Variants in KIAA1217 observed in about 807,000 individuals in gnomAD.
KIAA1217 encodes the protein KIAA1217.
Under a neutral mutation model 163.9 loss-of-function variants are expected in KIAA1217, and 88 were observed. That is an observed-to-expected ratio of 0.54 (90% CI 0.45 to 0.64). The LOEUF (loss-of-function observed/expected upper bound fraction) is 0.64, where lower values mean the gene tolerates loss of function less well. KIAA1217 is among the 30% of genes least tolerant of loss of function. The pLI is 0.00. For missense variants in KIAA1217, 2,372 were observed against 2,475.0 expected, an observed-to-expected ratio of 0.96 and a Z score of 0.88; for synonymous variants, 903 against 923.1, an observed-to-expected ratio of 0.98 and a Z score of 0.39.
At chr10:23,961,574 A>G (rs1219862766) in intron 1 of KIAA1217, among the ~76,000 whole-genome samples, 1 of 152,178 alleles carries the variant, frequency 6.6e-6, no homozygotes. Flanking sequence ...GTGTTCTTAT[A>G]CTTATAAACT....
intron 1 of KIAA1217, among the ~76,000 whole-genome samples, chr10:23,925,657 T>C (rs1842992647): frequency 6.6e-6 from 1 of 152,192 alleles, no homozygotes; most frequent in Non-Finnish European, 1.5e-5. Flanking sequence ...CTTCAGGACT[T>C]GCCATCTCAG....
chr10:23,979,250 G>A (rs1435868707), intron 1 of KIAA1217, among the ~76,000 whole-genome samples: 1 of 152,206 alleles, frequency 6.6e-6, no homozygotes, highest in Non-Finnish European at 1.5e-5. Context: ...AACCATAAAA[G>A]TCACGTTGCA....
intron 1 of KIAA1217, among the ~76,000 whole-genome samples, chr10:24,214,476 G>A (rs1589960015): frequency 6.6e-6 from 1 of 152,146 alleles, no homozygotes; most frequent in South Asian, 2.1e-4. Context: ...AGAGAACGTG[G>A]AAGGTTATTT....
In KIAA1217 at chr10:24,380,962, G is replaced by A. The variant is rs757517187; in HGVS notation, c.448G>A (p.Ala150Thr). The A allele has an allele frequency of 4.4e-6, 7 of 1,609,066 alleles. No individual in the cohort carries two copies. The Admixed American group carries it at 1.0e-4, about 23-fold the overall frequency. The change falls in exon 3 of 21, where the codon GCC becomes ACC. Residue 150 changes from alanine to threonine, a missense_variant. Coordinates refer to ENST00000376454, the MANE Select transcript of KIAA1217 (RefSeq NM_019590.5). ...LSETSADSLEAMSEGDAPTPF... is the reference protein window; with the variant it reads ...LSETSADSLETMSEGDAPTPF... Reference sequence around the variant, plus strand: ...AGAGACGTCCGCTGATTCTTTGGAAGCCATGTCTGAGGGGGATGCTCCAAC... The same window carrying A: ...AGAGACGTCCGCTGATTCTTTGGAAACCATGTCTGAGGGGGATGCTCCAAC...
At chr10:23,883,578 T>C (rs1589010317) in intron 1 of KIAA1217, among the ~76,000 whole-genome samples, 1 of 151,840 alleles carries the variant, frequency 6.6e-6, no homozygotes, top group Non-Finnish European at 1.5e-5. Context: ...TTAGCAACGT[T>C]CTCCACCAAA....
intron 2 of KIAA1217, among the ~76,000 whole-genome samples, chr10:24,311,144 C>T (rs911190762): frequency 6.6e-5 from 10 of 152,130 alleles, no homozygotes; most frequent in South Asian, 2.1e-4. Context: ...GACCCCAGGC[C>T]GTAGGAGGTG....
At chr10:24,130,897 C>T (rs929940532) in intron 2 of KIAA1217, among the ~76,000 whole-genome samples, 1 of 152,148 alleles carries the variant, frequency 6.6e-6, no homozygotes, top group Non-Finnish European at 1.5e-5. Context: ...AAACTGACGC[C>T]TTTTAATCTA....
chr10:24,191,814 C>T (rs575389978), intron 2 of KIAA1217, among the ~76,000 whole-genome samples: 3 of 152,262 alleles, frequency 2.0e-5, no homozygotes, highest in South Asian at 2.1e-4. Flanking sequence ...AGTGCAATGG[C>T]GCAACCTCAA....
intron 2 of KIAA1217, among the ~76,000 whole-genome samples, chr10:24,341,031 G>A (rs1235057610): frequency 2.6e-5 from 4 of 151,028 alleles, no homozygotes; most frequent in African/African-American, 7.4e-5. Context: ...TGATTGCTTT[G>A]CTTTCCTTCC....
chr10:23,815,374 G>T lies in KIAA1217; in HGVS notation c.-321+120140G>T, dbSNP rs1837266276. Among the ~76,000 whole-genome samples, 4 of 152,188 alleles carry T rather than the reference G, an allele frequency of 2.6e-5. No homozygotes were observed. In the South Asian group the frequency reaches 8.3e-4, roughly 31 times the overall value. On this transcript the variant is annotated intron_variant, in intron 1 of 18. Transcript: ENST00000376462. ...AATTTAATAATTTAGGCTGGGCGCG[G>T]TGGCTCACGCCTGTAATCCCAGCAC...
chr10:23,858,196 T>C (rs1379690879), intron 1 of KIAA1217, among the ~76,000 whole-genome samples: 1 of 152,094 alleles, frequency 6.6e-6, no homozygotes. Flanking sequence ...TCCTGCCAGG[T>C]CTCAGTTTCT....
intron 4 of KIAA1217, among the ~76,000 whole-genome samples, chr10:24,436,109 C>T (rs112505631): frequency 5.9e-5 from 9 of 152,144 alleles, no homozygotes; most frequent in Admixed American, 5.9e-4. Context: ...GATCTGCCCA[C>T]CTCGGCCTCC....
chr10:23,841,866 ATTTTAT>A (rs1838803744), intron 1 of KIAA1217, among the ~76,000 whole-genome samples: 1 of 149,764 alleles, frequency 6.7e-6, no homozygotes, highest in Non-Finnish European at 1.5e-5. Context: ...ATTTTATTTT[ATTTTAT>A]TTTATTTTAT....
chr10:23,842,525 A>C (rs1187532054), intron 1 of KIAA1217, among the ~76,000 whole-genome samples: 2 of 152,128 alleles, frequency 1.3e-5, no homozygotes, highest in African/African-American at 2.4e-5. Context: ...TCACAAACTT[A>C]AGAGGCTAAG....
At chr10:24,489,860 CAAAAAAAAAAAAAAA>C (rs11393718) in intron 6 of KIAA1217, among the ~76,000 whole-genome samples, 6 of 64,924 alleles carry the variant, frequency 9.2e-5, no homozygotes, top group African/African-American at 3.4e-4. Context: ...GAGAACCTGT[CAAAAAAAAAAAAAAA>C]AAAAAAAAAA....
intron 1 of KIAA1217, among the ~76,000 whole-genome samples, chr10:23,844,310 C>T (rs781162914): frequency 3.9e-5 from 6 of 152,018 alleles, no homozygotes; most frequent in Non-Finnish European, 7.4e-5. Flanking sequence ...TAAAAAAATC[C>T]CTTTATTTTC....
chr10:23,895,217 G>C (rs1035097782), intron 1 of KIAA1217, among the ~76,000 whole-genome samples: 2 of 151,930 alleles, frequency 1.3e-5, no homozygotes, highest in African/African-American at 2.4e-5. Context: ...CCACAAAATG[G>C]GAGAAAATTT....
In KIAA1217 at chr10:24,239,252, C is replaced by CCT. The variant is rs1309493502; in HGVS notation, c.354+19344_354+19345dup. On this transcript the variant is annotated intron_variant, in intron 2 of 20. Coordinates refer to ENST00000376454, the MANE Select transcript of KIAA1217 (RefSeq NM_019590.5). ...TTACCTGACAGCTCCGAAGGAAGAC[C>CCT]CTGGAGTCCGTTCCAGACAAAAACT... 3 of 985,260 alleles carry CCT rather than the reference C, an allele frequency of 3.0e-6. No homozygotes were observed. In the African/African-American group the frequency reaches 5.2e-5, roughly 17 times the overall value. The allele number at this position is 985,260 out of a possible 1,614,324, so 61.0% of individuals were successfully genotyped here.
intron 1 of KIAA1217, among the ~76,000 whole-genome samples, chr10:23,869,871 G>A (rs969437836): frequency 6.6e-6 from 1 of 152,104 alleles, no homozygotes; most frequent in African/African-American, 2.4e-5. Flanking sequence ...TCAATATTTA[G>A]TTAATATCTT....
Sources: allele counts gnomAD v4.1 joint callset (sites outside exome capture counted in the v4.1 genomes callset), GRCh38; gene constraint gnomAD v4.1.1; transcripts MANE v1.5; gene names NCBI Gene and HGNC (gene_info 2026-07-23, HGNC 2026-07-21).